YBEY: variants seen among roughly 807,000 people sequenced by gnomAD.
YBEY encodes ybeY metalloendoribonuclease.
A neutral mutation model predicts 13.5 loss-of-function variants in YBEY; 15 were observed. That is an observed-to-expected ratio of 1.11 (90% CI 0.75 to 1.72). The LOEUF (loss-of-function observed/expected upper bound fraction) is 1.72. Among genes scored for constraint, YBEY ranks in the 40% most tolerant of loss-of-function variants. YBEY has a pLI of 0.00. For synonymous variants in YBEY, 101 were observed against 83.1 expected, an observed-to-expected ratio of 1.21 and a Z score of -1.17; for missense variants, 244 against 208.4, an observed-to-expected ratio of 1.17 and a Z score of -1.05.
chr21:46,287,788 C>T (rs564874406), intron 2 of YBEY, among the ~76,000 whole-genome samples: 6 of 151,932 alleles, frequency 3.9e-5, no homozygotes, highest in South Asian at 4.2e-4. Context: ...GTCAGGAGTT[C>T]GAGATCAGCC....
chr21:46,302,873 C>T, the YBEY span, among the ~76,000 whole-genome samples: 5 of 48,970 alleles, frequency 1.0e-4, no homozygotes, highest in Admixed American at 2.2e-4. Flanking sequence ...GCCCTGAGCC[C>T]GTCTGCACAC....
intron 4 of YBEY, among the ~76,000 whole-genome samples, 169 bp downstream of exon 4, chr21:46,296,399 A>G (rs2081953299): frequency 1.3e-5 from 2 of 151,946 alleles, no homozygotes; most frequent in South Asian, 2.1e-4. Context: ...GGGCTCCCCA[A>G]ATACTTCCAG....
the YBEY span, among the ~76,000 whole-genome samples, chr21:46,304,408 G>T: frequency 2.0e-5 from 3 of 151,562 alleles, no homozygotes; most frequent in Admixed American, 6.6e-5. Flanking sequence ...GAGTGCTTGA[G>T]CCCAGAAGTT....
At chr21:46,288,139 G>C (rs538779272) in intron 2 of YBEY, among the ~76,000 whole-genome samples, 1 of 152,154 alleles carries the variant, frequency 6.6e-6, no homozygotes, top group Non-Finnish European at 1.5e-5. Flanking sequence ...AGTGGGATTC[G>C]TTAATGAATA....
chr21:46,302,070 C>CATG (rs918714374), downstream of YBEY: 18 of 1,476,562 alleles, frequency 1.2e-5, no homozygotes, highest in Non-Finnish European at 1.6e-5. Flanking sequence ...GGCCACACAG[C>CATG]ATGGTGGTGG....
In YBEY at chr21:46,296,166, C is replaced by T. The variant is rs764985064; in HGVS notation, c.344C>T (p.Thr115Met). Reference protein sequence around the residue: ...NEDYNDVLTVTATHGLCHLLG... With the variant: ...NEDYNDVLTVMATHGLCHLLG... ...GGTTTAAAATTATTCTGACAGGTGACGGCCACCCACGGACTCTGTCACTTG... is the reference window on the plus strand; with the variant it reads ...GGTTTAAAATTATTCTGACAGGTGATGGCCACCCACGGACTCTGTCACTTG... The change falls in exon 4 of 5, where the codon ACG becomes ATG. Residue 115 changes from threonine to methionine, a missense_variant. Transcript: ENST00000397701. 6.2e-7 allele frequency: 1 copy of T among 1,613,580 alleles called. No individual in the cohort carries two copies. Among genetic ancestry groups the T allele is most frequent in the Non-Finnish European group, 8.5e-7 (1 of 1,180,002 alleles).
downstream of YBEY, chr21:46,301,958 G>A: frequency 2.7e-6 from 4 of 1,474,600 alleles, no homozygotes; most frequent in African/African-American, 1.4e-5. Flanking sequence ...AGGAAGCCTG[G>A]GGGTGGAGGG....
At chr21:46,300,641 G>A (rs535402326), downstream of YBEY, 73 of 1,238,278 alleles carry the variant, frequency 5.9e-5, no homozygotes, top group African/African-American at 9.1e-4. Context: ...ACACCTGCCC[G>A]TCCATGTCAG....
chr21:46,307,487 T>C, the YBEY span, among the ~76,000 whole-genome samples: 1 of 152,144 alleles, frequency 6.6e-6, no homozygotes, highest in African/African-American at 2.4e-5. Flanking sequence ...TTTTAGCACC[T>C]GACAGACTAT....
At chr21:46,310,908 G>A in the YBEY span, among the ~76,000 whole-genome samples, 10 of 151,466 alleles carry the variant, frequency 6.6e-5, no homozygotes, top group Non-Finnish European at 1.2e-4. Context: ...TCACTCTGTC[G>A]CCCAGGATGG....
At chr21:46,301,989 T>C, downstream of YBEY, 2 of 1,518,326 alleles carry the variant, frequency 1.3e-6, no homozygotes, top group Non-Finnish European at 1.8e-6. Context: ...AGGGTCTCTG[T>C]GACTCACACT....
In YBEY at chr21:46,286,898, G is replaced by A. The variant is rs1370091529; in HGVS notation, c.-16G>A. On this transcript the variant is annotated 5_prime_UTR_variant, in exon 2 of 5. Coordinates refer to ENST00000397701, the MANE Select transcript of YBEY (RefSeq NM_001314025.2). ...CCGTTGCAAACATTTTTAAAGGGCTGGTTATTCTTCCTGAAATGAGTTTGG... is the reference window on the plus strand; with the variant it reads ...CCGTTGCAAACATTTTTAAAGGGCTAGTTATTCTTCCTGAAATGAGTTTGG... 1 of 1,613,382 alleles carries A rather than the reference G, an allele frequency of 6.2e-7. No individual in the cohort carries two copies.
intron 4 of YBEY, 36 bp from the exon 5 acceptor site, chr21:46,297,503 T>C (rs1601607111): frequency 1.5e-6 from 2 of 1,353,266 alleles, no homozygotes; most frequent in South Asian, 3.6e-5. Context: ...GCGGACACCT[T>C]CCCTGGGGAG....
chr21:46,292,574 T>A (rs2081766668), intron 3 of YBEY, among the ~76,000 whole-genome samples: 1 of 135,382 alleles, frequency 7.4e-6, no homozygotes, highest in South Asian at 2.4e-4. Context: ...AACTCTAGAT[T>A]AAATTCCTCC....
At chr21:46,300,800 AG>A (rs1382243032), downstream of YBEY, 1 of 1,288,206 alleles carries the variant, frequency 7.8e-7, no homozygotes, top group African/African-American at 1.5e-5. Flanking sequence ...CTGTCCTAAT[AG>A]GGGGTGAATG....
chr21:46,300,570 A>T, downstream of YBEY: 3 of 1,016,618 alleles, frequency 3.0e-6, no homozygotes, highest in Non-Finnish European at 3.7e-6. Context: ...GAGGCACGAA[A>T]AGATGGTTCT....
downstream of YBEY, chr21:46,300,130 T>C (rs1011880596): frequency 6.6e-6 from 1 of 152,372 alleles, no homozygotes; most frequent in Non-Finnish European, 1.5e-5. Flanking sequence ...TGAAAAATTC[T>C]GTTGAGAAAT....
chr21:46,310,820 T>C, the YBEY span, among the ~76,000 whole-genome samples: 1 of 151,158 alleles, frequency 6.6e-6, no homozygotes, highest in Non-Finnish European at 1.5e-5. Flanking sequence ...TCTCTCTCTC[T>C]AAATAAATAA....
the YBEY span, among the ~76,000 whole-genome samples, chr21:46,305,302 T>G: frequency 1.3e-5 from 2 of 152,016 alleles, no homozygotes; most frequent in African/African-American, 4.8e-5. Context: ...TACATGGTTT[T>G]TTTTTTTTTT....
Sources: gnomAD v4.1 joint callset for allele counts (sites outside exome capture counted in the v4.1 genomes callset) on GRCh38, gnomAD v4.1.1 for gene constraint, MANE v1.5 for transcripts, NCBI Gene and HGNC (gene_info 2026-07-23, HGNC 2026-07-21) for gene names.